Variants in CDH18 observed in about 807,000 individuals in gnomAD.
CDH18 encodes cadherin 18, also known as cadherin-18.
In CDH18, 31 loss-of-function variants were observed where a neutral mutation model predicts 67.9. The observed-to-expected ratio is 0.46, with a 90% confidence interval of 0.34 to 0.62. The LOEUF (loss-of-function observed/expected upper bound fraction) is 0.62. CDH18 is among the 20% of genes least tolerant of loss of function. The pLI is 0.01. For missense variants in CDH18, 890 were observed against 975.5 expected (o/e 0.91, Z 1.17); for synonymous variants, 362 against 347.2 (o/e 1.04, Z -0.48).
intron 1 of CDH18, among the ~76,000 whole-genome samples, chr5:20,421,433 G>T (rs1580963674): frequency 6.6e-6 from 1 of 150,708 alleles, no homozygotes; most frequent in Non-Finnish European, 1.5e-5. Context: ...TAACTGTTGG[G>T]TGTCAATCAA....
intron 2 of CDH18, among the ~76,000 whole-genome samples, chr5:20,068,437 G>A (rs953707561): frequency 1.3e-5 from 2 of 152,076 alleles, no homozygotes; most frequent in East Asian, 1.9e-4. Flanking sequence ...GGTGTCTCCT[G>A]AGGAAAATGG....
At chr5:19,609,874 G>T (rs186510954) in intron 6 of CDH18, among the ~76,000 whole-genome samples, 2 of 151,976 alleles carry the variant, frequency 1.3e-5, no homozygotes, top group African/African-American at 4.8e-5. Context: ...ATAGACTTGC[G>T]CATGTCATGG....
chr5:20,050,273 C>T (rs1435976), intron 2 of CDH18, among the ~76,000 whole-genome samples: 118,281 of 151,746 alleles, frequency 0.78, 49,050 homozygotes, highest in Non-Finnish European at 0.91. Context: ...CTAATAGTTA[C>T]TCTCTATTTG....
intron 1 of CDH18, among the ~76,000 whole-genome samples, chr5:20,295,193 A>G (rs1470856134): frequency 6.6e-6 from 1 of 152,182 alleles, no homozygotes; most frequent in Non-Finnish European, 1.5e-5. Context: ...AGCATCAATA[A>G]AAACCAAGAA....
intron 8 of CDH18, 26 bp downstream of exon 8, chr5:19,571,553 G>A (rs1741391144): frequency 1.3e-6 from 2 of 1,597,562 alleles, no homozygotes; most frequent in Non-Finnish European, 1.7e-6. Context: ...ATCTTTCTAT[G>A]TCTAAACGAT....
At chr5:19,948,953 G>A (rs79178150) in intron 2 of CDH18, among the ~76,000 whole-genome samples, 1,845 of 152,248 alleles carry the variant, frequency 0.012, 53 homozygotes, top group African/African-American at 0.042. Context: ...AGCCAAGACT[G>A]CTTTTTTTCA....
At chr5:20,342,798 A>G (rs529316409) in intron 1 of CDH18, among the ~76,000 whole-genome samples, 11 of 152,170 alleles carry the variant, frequency 7.2e-5, no homozygotes, top group Non-Finnish European at 1.5e-4. Flanking sequence ...ATGCGTTAAA[A>G]GTTGGTCCAC....
At chr5:20,382,938 A>G (rs965620849) in intron 1 of CDH18, among the ~76,000 whole-genome samples, 1 of 152,122 alleles carries the variant, frequency 6.6e-6, no homozygotes, top group Non-Finnish European at 1.5e-5. Flanking sequence ...GTGCTATTGC[A>G]ACAATTAATT....
intron 1 of CDH18, among the ~76,000 whole-genome samples, chr5:20,341,517 A>T (rs910220243): frequency 7.2e-6 from 1 of 138,142 alleles, no homozygotes; most frequent in Non-Finnish European, 1.5e-5. Context: ...TATAAAGGAA[A>T]CTCTTTCTAA....
At chr5:20,480,566 T>A (rs1285855120) in intron 1 of CDH18, among the ~76,000 whole-genome samples, 1 of 152,036 alleles carries the variant, frequency 6.6e-6, no homozygotes, top group African/African-American at 2.4e-5. Flanking sequence ...TACAGGTATG[T>A]GCCACCACAC....
chr5:20,082,716 C>T (rs151033409), intron 2 of CDH18, among the ~76,000 whole-genome samples: 78 of 152,208 alleles, frequency 5.1e-4, no homozygotes, highest in African/African-American at 1.7e-3. Flanking sequence ...ATTGTTGGAC[C>T]TAAACCAATA....
At chr5:19,656,307 A>T (rs1756385916) in intron 5 of CDH18, among the ~76,000 whole-genome samples, 1 of 152,048 alleles carries the variant, frequency 6.6e-6, no homozygotes, top group African/African-American at 2.4e-5. Flanking sequence ...TCTTTAATCA[A>T]ATTTAAAACA....
intron 5 of CDH18, among the ~76,000 whole-genome samples, chr5:19,705,754 TG>T (rs1323674776): frequency 2.6e-5 from 4 of 152,162 alleles, no homozygotes; most frequent in Non-Finnish European, 5.9e-5. Context: ...TACATGGATA[TG>T]ATCCTGGAAA....
intron 3 of CDH18, among the ~76,000 whole-genome samples, chr5:19,818,569 C>T (rs1252720255): frequency 6.6e-6 from 1 of 152,090 alleles, no homozygotes; most frequent in African/African-American, 2.4e-5. Context: ...AGAAGTGCAT[C>T]GTTAAGCAAT....
At chr5:19,626,871 T>C (rs1480527070) in intron 5 of CDH18, among the ~76,000 whole-genome samples, 1 of 152,176 alleles carries the variant, frequency 6.6e-6, no homozygotes, top group African/African-American at 2.4e-5. Flanking sequence ...TTATTATGCT[T>C]TCAAAAATTT....
chr5:20,033,361 A>G (rs914932054), intron 2 of CDH18, among the ~76,000 whole-genome samples: 7 of 152,052 alleles, frequency 4.6e-5, no homozygotes, highest in Admixed American at 4.6e-4. Context: ...CAAACAGCCT[A>G]GAGCACAGCT....
chr5:19,521,261 ATGT>A (rs1230350423), intron 9 of CDH18, among the ~76,000 whole-genome samples: 1 of 152,196 alleles, frequency 6.6e-6, no homozygotes, highest in Non-Finnish European at 1.5e-5. Flanking sequence ...GCAGAGTGTG[ATGT>A]TAAGTCACGC....
intron 2 of CDH18, among the ~76,000 whole-genome samples, chr5:19,994,198 T>C (rs1451163942): frequency 6.6e-6 from 1 of 151,744 alleles, no homozygotes; most frequent in Non-Finnish European, 1.5e-5. Flanking sequence ...TCTGGTGGGG[T>C]GTATATCTAT....
chr5:19,995,472 G>C (rs944627867), intron 2 of CDH18, among the ~76,000 whole-genome samples: 2 of 151,962 alleles, frequency 1.3e-5, no homozygotes, highest in South Asian at 2.1e-4. Flanking sequence ...GGAAGACATA[G>C]AGTCAAGCCA....
Sources: allele counts gnomAD v4.1 joint callset (sites outside exome capture counted in the v4.1 genomes callset), GRCh38; gene constraint gnomAD v4.1.1; transcripts MANE v1.5; gene names NCBI Gene and HGNC (gene_info 2026-07-23, HGNC 2026-07-21).